The following NSG1 variants were observed in gnomAD, a reference collection of about 807,000 sequenced individuals.
NSG1 encodes neuronal vesicle trafficking associated 1.
In NSG1, 9 loss-of-function variants were observed where a neutral mutation model predicts 19.3. That is an observed-to-expected ratio of 0.47 (90% CI 0.28 to 0.81). The LOEUF (loss-of-function observed/expected upper bound fraction) is 0.81, where lower values mean the gene tolerates loss of function less well. Among genes scored for constraint, NSG1 ranks in the 40% least tolerant of loss-of-function variants. The pLI, the probability that NSG1 is intolerant of heterozygous loss-of-function variation, is 0.11. For missense variants in NSG1, 236 were observed against 242.4 expected, an observed-to-expected ratio of 0.97 and a Z score of 0.18; for synonymous variants, 104 against 107.0, an observed-to-expected ratio of 0.97 and a Z score of 0.17.
At chr4:4,411,893 T>G (rs1207672058) in intron 4 of NSG1, among the ~76,000 whole-genome samples, 1 of 151,972 alleles carries the variant, frequency 6.6e-6, no homozygotes, top group Non-Finnish European at 1.5e-5. Flanking sequence ...AAAATACTGA[T>G]TAAAAAGTAT....
intron 4 of NSG1, among the ~76,000 whole-genome samples, chr4:4,414,951 T>C (rs1277699252): frequency 6.7e-6 from 1 of 148,890 alleles, no homozygotes; most frequent in Non-Finnish European, 1.5e-5. Context: ...CCTCTGCCTT[T>C]AAAAAAAAAC....
intron 4 of NSG1, among the ~76,000 whole-genome samples, chr4:4,412,297 A>G (rs916493692): frequency 1.3e-5 from 2 of 151,752 alleles, no homozygotes; most frequent in East Asian, 3.9e-4. Context: ...GACCCAGGAG[A>G]TGAAGCCCCA....
chr4:4,386,958 GGCGCGGCCACACGC>G (rs1052267322), upstream of NSG1: 2 of 152,092 alleles, frequency 1.3e-5, no homozygotes, highest in Non-Finnish European at 2.9e-5. Flanking sequence ...TCAAGGTGGA[GGCGCGGCCACACGC>G]GCGCACCCAC....
chr4:4,408,099 G>A (rs1474833368), intron 3 of NSG1, among the ~76,000 whole-genome samples: 4 of 152,154 alleles, frequency 2.6e-5, no homozygotes, highest in African/African-American at 9.7e-5. Flanking sequence ...GGGACTGCAT[G>A]GTGTTAGGGG....
chr4:4,411,151 C>T (rs973819600), intron 4 of NSG1, among the ~76,000 whole-genome samples: 4 of 152,174 alleles, frequency 2.6e-5, no homozygotes, highest in African/African-American at 9.7e-5. Context: ...CCACCACACT[C>T]AGCCAATAAA....
rs143524899 is a variant in NSG1, at chr4:4,391,800, G to C, written c.246+209G>C. On this transcript the variant is annotated intron_variant, in intron 3 of 4. Transcript: ENST00000621129. Reference sequence around the variant, plus strand: ...CTTTTTTCTTTTCCTCTTCCAAAATGATCACATATTACTTATTTTTATAAC... The same window carrying C: ...CTTTTTTCTTTTCCTCTTCCAAAATCATCACATATTACTTATTTTTATAAC... Among the ~76,000 whole-genome samples the C allele has an allele frequency of 1.7e-4, 26 of 152,258 alleles. No individual in the cohort carries two copies. In the East Asian group the frequency reaches 4.0e-3, roughly 24 times the overall value.
At chr4:4,409,078 T>C (rs915668854) in intron 3 of NSG1, among the ~76,000 whole-genome samples, 7 of 152,260 alleles carry the variant, frequency 4.6e-5, no homozygotes, top group African/African-American at 1.7e-4. Context: ...CTGCAGAGGT[T>C]CTGTCTTTCC....
intron 3 of NSG1, among the ~76,000 whole-genome samples, chr4:4,404,151 C>T (rs1241265672): frequency 6.6e-6 from 1 of 152,242 alleles, no homozygotes; most frequent in Non-Finnish European, 1.5e-5. Context: ...GCATAGCCAA[C>T]ACCGGCCTCT....
At chr4:4,391,997 T>A (rs1381463037) in intron 3 of NSG1, among the ~76,000 whole-genome samples, 1 of 152,204 alleles carries the variant, frequency 6.6e-6, no homozygotes, top group Non-Finnish European at 1.5e-5. Flanking sequence ...GCCCTTTACC[T>A]AGTGAGCTCA....
rs139905140 is a variant in NSG1, at chr4:4,398,806, G to A, written c.246+7215G>A. The stretch of plus-strand genomic sequence containing the variant: ...TTGAATTTTTGGGGGTATATGCCCC[G>A]GAGTAGAATTGCTGGGCTGTGTGGT... On this transcript the variant is annotated intron_variant, in intron 3 of 4. Transcript: ENST00000621129. Among the ~76,000 whole-genome samples, 318 of 152,286 alleles carry A rather than the reference G, an allele frequency of 2.1e-3. 1 individual carries two copies. The highest frequency in any genetic ancestry group is 2.4e-3 in the Non-Finnish European group (164 of 68,016).
rs376347214 is a variant in NSG1, at chr4:4,417,196, T to G, written c.358-39T>G. 2.2e-5 allele frequency: 35 copies of G among 1,586,086 alleles called. No individual in the cohort carries two copies. The African/African-American group carries it at 4.4e-4, about 20-fold the overall frequency. On this transcript the variant is annotated intron_variant, in intron 4 of 4. Transcript: ENST00000621129. ...CTGGAGACACACTGGCACCCCCTCT[T>G]GCACCGACGCGTGCTCTCAGTGGCC...
intron 3 of NSG1, among the ~76,000 whole-genome samples, chr4:4,403,078 T>A (rs1216304388): frequency 1.3e-5 from 2 of 152,180 alleles, no homozygotes; most frequent in Non-Finnish European, 2.9e-5. Flanking sequence ...GGAGATGGAG[T>A]ATCTGCTGGT....
rs758849842 is a variant in NSG1 at position 4,417,274 on chromosome 4, G to A, written c.397G>A (p.Ala133Thr). Residue 133 changes from alanine to threonine, a missense_variant, in exon 5 of 5, where the codon GCG becomes ACG. Ala to Thr is a moderately conservative substitution (Grantham distance 58, BLOSUM62 0). Transcript: ENST00000621129. ...CIPEGLESYY[A>T]EQDSSAREKF... Reference sequence around the variant, plus strand: ...CCCAGAAGGCTTGGAGAGCTACTACGCGGAGCAAGACTCCAGTGCCCGGGA... The same window carrying A: ...CCCAGAAGGCTTGGAGAGCTACTACACGGAGCAAGACTCCAGTGCCCGGGA... The A allele has an allele frequency of 6.2e-6, 10 of 1,613,994 alleles. No homozygotes were observed. Among genetic ancestry groups the A allele is most frequent in the African/African-American group, 2.7e-5 (2 of 74,904 alleles).
At chr4:4,416,560 T>G (rs1256121064) in intron 4 of NSG1, among the ~76,000 whole-genome samples, 1 of 152,164 alleles carries the variant, frequency 6.6e-6, no homozygotes, top group Non-Finnish European at 1.5e-5. Context: ...CGGCCCTGCC[T>G]GAACCACAGG....
chr4:4,412,805 T>C (rs1252899748), intron 4 of NSG1, among the ~76,000 whole-genome samples: 1 of 152,164 alleles, frequency 6.6e-6, no homozygotes, highest in East Asian at 1.9e-4. Flanking sequence ...ACTGCTGAGA[T>C]TAAAATAAAG....
intron 4 of NSG1, chr4:4,415,683 G>A (rs73199815): frequency 7.2e-4 from 114 of 157,854 alleles, no homozygotes; most frequent in Non-Finnish European, 1.3e-3. Flanking sequence ...GGGCAGGGCC[G>A]TTTCTGAGCC....
chr4:4,402,924 C>T (rs781486170), intron 3 of NSG1, among the ~76,000 whole-genome samples: 2 of 152,226 alleles, frequency 1.3e-5, no homozygotes, highest in Non-Finnish European at 2.9e-5. Context: ...CCTGGATCTG[C>T]TTCCTTCCCA....
chr4:4,403,756 G>C (rs1318977053), intron 3 of NSG1, among the ~76,000 whole-genome samples: 1 of 152,230 alleles, frequency 6.6e-6, no homozygotes, highest in Non-Finnish European at 1.5e-5. Flanking sequence ...AACACAGTCA[G>C]TAATACTGCC....
Position 4,417,478 on chromosome 4 carries a change from A to T in NSG1, c.*43A>T. Reference sequence around the variant, plus strand: ...TTACAATGTGTCACTTGCAAATAACAAAGGGACTTTGAGGGACATTTCATT... The same window carrying T: ...TTACAATGTGTCACTTGCAAATAACTAAGGGACTTTGAGGGACATTTCATT... On this transcript the variant is annotated 3_prime_UTR_variant, in exon 5 of 5. Coordinates refer to ENST00000621129, the MANE Select transcript of NSG1 (RefSeq NM_014392.5). 6.4e-7 allele frequency: 1 copy of T among 1,560,944 alleles called. No homozygotes were observed. The highest frequency in any genetic ancestry group is 8.8e-7 in the Non-Finnish European group (1 of 1,132,182).
Sources: allele counts gnomAD v4.1 joint callset (sites outside exome capture counted in the v4.1 genomes callset), GRCh38; gene constraint gnomAD v4.1.1; transcripts MANE v1.5; gene names NCBI Gene and HGNC (gene_info 2026-07-23, HGNC 2026-07-21).